ANGPT2: variants seen among roughly 807,000 people sequenced by gnomAD.
ANGPT2 encodes the protein angiopoietin 2, also known as angiopoietin-2.
Under a neutral mutation model 62.9 loss-of-function variants are expected in ANGPT2, and 28 were observed. The ratio of observed to expected loss-of-function variants is 0.44; its 90% CI spans 0.33 to 0.61. The LOEUF is 0.61. Among genes scored for constraint, ANGPT2 ranks in the 20% least tolerant of loss-of-function variants. The pLI, the probability that ANGPT2 is intolerant of heterozygous loss-of-function variation, is 0.03. For missense variants in ANGPT2, 727 were observed against 594.9 expected, an observed-to-expected ratio of 1.22 and a Z score of -2.31; for synonymous variants, 284 against 207.8, an observed-to-expected ratio of 1.37 and a Z score of -3.15.
chr8:6,514,723 T>C lies in ANGPT2; in HGVS notation c.983A>G (p.Glu328Gly). The change falls in exon 6 of 9, where the codon GAG becomes GGG. Residue 328 changes from glutamate (E) to glycine (G), a missense_variant. Transcript: ENST00000629816. ...CCTCTGAAAATCAACGCTGCCATCCTCACGTCGCTGAATAATTGTCCACCC... is the reference window on the plus strand; with the variant it reads ...CCTCTGAAAATCAACGCTGCCATCCCCACGTCGCTGAATAATTGTCCACCC... Reference protein sequence around the residue: ...GGGWTIIQRREDGSVDFQRTW... With the variant: ...GGGWTIIQRRGDGSVDFQRTW... 1 of 1,614,142 alleles carries C rather than the reference T, an allele frequency of 6.2e-7. No individual in the cohort carries two copies. The highest frequency in any genetic ancestry group is 8.5e-7 in the Non-Finnish European group (1 of 1,180,020).
Position 6,502,922 on chromosome 8 carries a change from T to C in ANGPT2, c.*179A>G. The C allele has an allele frequency of 1.5e-6, 1 of 658,404 alleles. No individual in the cohort carries two copies. 40.8% of individuals were successfully genotyped at this position (658,404 alleles called of 1,614,324 possible). On this transcript the variant is annotated 3_prime_UTR_variant, in exon 9 of 9. Transcript: ENST00000629816. ...TAGGGTCTTGCTTTGGTCCGTTAAG[T>C]GATGCAAGTTTAAGTGATAAAGTTT...
At position 6,522,730 on chromosome 8, in the gene ANGPT2, T is replaced by C. The variant is rs551266282; in HGVS notation, c.567-1320A>G. Among the ~76,000 whole-genome samples the C allele has an allele frequency of 2.7e-5, 4 of 149,744 alleles. No individual in the cohort carries two copies. In the East Asian group the frequency reaches 8.0e-4, roughly 30 times the overall value. ...TGGAGGTTGCAGTGAGCTGAGATTA[T>C]GCCATTGCACTCCAGCCTGGGCAAC... On this transcript the variant is annotated intron_variant, in intron 3 of 8. Coordinates refer to ENST00000629816, the MANE Select transcript of ANGPT2 (RefSeq NM_001118887.2).
At chr8:6,513,995 A>G in intron 6 of ANGPT2, 151 bp from the exon 7 acceptor site, 2 of 740,124 alleles carry the variant, frequency 2.7e-6, no homozygotes, top group Non-Finnish European at 4.3e-6. Flanking sequence ...CCCAAAGGAA[A>G]ATGGATTTTA....
At chr8:6,518,625 T>C (rs1436105565) in intron 5 of ANGPT2, among the ~76,000 whole-genome samples, 2 of 152,218 alleles carry the variant, frequency 1.3e-5, no homozygotes, top group African/African-American at 2.4e-5. Context: ...TGTTTTTCTT[T>C]GATACTGTTT....
intron 1 of ANGPT2, among the ~76,000 whole-genome samples, chr8:6,539,993 A>C (rs1348526369): frequency 6.6e-6 from 1 of 152,042 alleles, no homozygotes; most frequent in Non-Finnish European, 1.5e-5. Flanking sequence ...CCACTATATA[A>C]CTCCAAGATG....
chr8:6,534,681 C>T (rs1038856071), intron 1 of ANGPT2, among the ~76,000 whole-genome samples: 5 of 152,034 alleles, frequency 3.3e-5, no homozygotes, highest in East Asian at 1.9e-4. Context: ...CACTGATACC[C>T]GGCAGGCCAG....
At chr8:6,562,058 C>T (rs754716826) in intron 1 of ANGPT2, among the ~76,000 whole-genome samples, 1 of 152,196 alleles carries the variant, frequency 6.6e-6, no homozygotes, top group African/African-American at 2.4e-5. Context: ...ACGGCAAGCC[C>T]TTAGTGGTAG....
In ANGPT2 at chr8:6,502,222, C is replaced by G. The variant is rs892282331; in HGVS notation, c.*879G>C. The G allele has an allele frequency of 6.6e-6, 1 of 151,980 alleles. No homozygotes were observed. The highest frequency in any genetic ancestry group is 1.5e-5 in the Non-Finnish European group (1 of 68,002). 9.4% of individuals were successfully genotyped at this position (151,980 alleles called of 1,614,324 possible). ...TTAAAAGTAAGAAGTTTCCTTATCACAAGGCACAATTAGGTCTTTTGGAAA... is the reference window on the plus strand; with the variant it reads ...TTAAAAGTAAGAAGTTTCCTTATCAGAAGGCACAATTAGGTCTTTTGGAAA... On this transcript the variant is annotated 3_prime_UTR_variant, in exon 9 of 9. Coordinates refer to ENST00000629816, the MANE Select transcript of ANGPT2 (RefSeq NM_001118887.2).
intron 8 of ANGPT2, among the ~76,000 whole-genome samples, chr8:6,504,743 G>A (rs568418775): frequency 2.6e-5 from 4 of 152,216 alleles, no homozygotes; most frequent in East Asian, 3.9e-4. Flanking sequence ...GAAGCAATAT[G>A]TTGTATATTA....
At chr8:6,545,076 C>T (rs993025536) in intron 1 of ANGPT2, among the ~76,000 whole-genome samples, 6 of 152,058 alleles carry the variant, frequency 3.9e-5, no homozygotes, top group Non-Finnish European at 8.8e-5. Flanking sequence ...TCACAGAAGC[C>T]ACACCCTAGG....
At chr8:6,527,469 A>G (rs1818545054) in intron 3 of ANGPT2, 86 bp downstream of exon 3, 4 of 1,505,760 alleles carry the variant, frequency 2.7e-6, no homozygotes, top group Non-Finnish European at 2.7e-6. Context: ...GAAACTCACC[A>G]TTCTGATAAT....
At chr8:6,524,962 G>A (rs1322688930) in intron 3 of ANGPT2, among the ~76,000 whole-genome samples, 1 of 152,212 alleles carries the variant, frequency 6.6e-6, no homozygotes, top group Non-Finnish European at 1.5e-5. Context: ...CCCTGCTGTG[G>A]ACCTCAGGTG....
At chr8:6,530,746 ATTCTC>A in intron 2 of ANGPT2, among the ~76,000 whole-genome samples, 1 of 152,190 alleles carries the variant, frequency 6.6e-6, no homozygotes, top group African/African-American at 2.4e-5. Flanking sequence ...TTGTTATTCT[ATTCTC>A]TTATCTGTAA....
chr8:6,556,666 C>T (rs775776535), intron 1 of ANGPT2, among the ~76,000 whole-genome samples: 11 of 151,742 alleles, frequency 7.2e-5, no homozygotes, highest in South Asian at 2.1e-4. Context: ...CAGGCTGGAG[C>T]GCAATGGCAC....
chr8:6,515,817 G>C (rs560564621), intron 5 of ANGPT2, among the ~76,000 whole-genome samples: 81 of 152,324 alleles, frequency 5.3e-4, no homozygotes, highest in Non-Finnish European at 4.9e-4. Context: ...CGATTTGGCA[G>C]GGTAAGCTTC....
chr8:6,516,443 T>C (rs181428921), intron 5 of ANGPT2, among the ~76,000 whole-genome samples: 327 of 152,180 alleles, frequency 2.1e-3, no homozygotes, highest in Non-Finnish European at 3.6e-3. Flanking sequence ...TCCTGTTATG[T>C]TTTTTTTCCA....
At chr8:6,535,841 A>T (rs1406088970) in intron 1 of ANGPT2, among the ~76,000 whole-genome samples, 5 of 151,674 alleles carry the variant, frequency 3.3e-5, no homozygotes. Context: ...TGCTCTCAGG[A>T]GTTTGAGACC....
At position 6,521,275 on chromosome 8, in the gene ANGPT2, T is replaced by A. The variant is rs769612050; in HGVS notation, c.702A>T (p.Ile234=). 3 of 1,613,930 alleles carry A rather than the reference T, an allele frequency of 1.9e-6. No homozygotes were observed. The South Asian group carries it at 3.3e-5, about 18-fold the overall frequency. ...NSIIEELEKK[I]VTATVNNSVL... is the part of the protein sequence containing the mutation. ...CTGAATTATTCACCGTGGCAGTCACTATTTTTTTTTCTAGTTCTTCAATGA... is the reference window on the plus strand; with the variant it reads ...CTGAATTATTCACCGTGGCAGTCACAATTTTTTTTTCTAGTTCTTCAATGA... Residue 234 remains isoleucine (I), a synonymous_variant, in exon 4 of 9, where the codon ATA becomes ATT. Transcript: ENST00000629816.
At position 6,513,020 on chromosome 8, in the gene ANGPT2, G is replaced by T. The variant is rs149586640; in HGVS notation, c.1196+658C>A. Among the ~76,000 whole-genome samples, 103 of 152,306 alleles carry T rather than the reference G, an allele frequency of 6.8e-4. 3 individuals carry two copies. In the East Asian group the frequency reaches 0.019, roughly 28 times the overall value. On this transcript the variant is annotated intron_variant, in intron 7 of 8. Coordinates refer to ENST00000629816, the MANE Select transcript of ANGPT2 (RefSeq NM_001118887.2). Reference sequence around the variant, plus strand: ...TTGGAATAAAACAGCACAGTCACAAGTATCCATCATTTATGCTATTCATGT... The same window carrying T: ...TTGGAATAAAACAGCACAGTCACAATTATCCATCATTTATGCTATTCATGT...
Sources: gnomAD v4.1 joint callset for allele counts (sites outside exome capture counted in the v4.1 genomes callset) on GRCh38, gnomAD v4.1.1 for gene constraint, MANE v1.5 for transcripts, NCBI Gene and HGNC (gene_info 2026-07-23, HGNC 2026-07-21) for gene names.